GNB5: variants seen among roughly 807,000 people sequenced by gnomAD.
GNB5 encodes guanine nucleotide-binding protein subunit beta-5.
GNB5 carries 37 observed loss-of-function variants against 55.3 expected under a neutral mutation model. The ratio of observed to expected loss-of-function variants is 0.67; its 90% confidence interval spans 0.51 to 0.88. The LOEUF (loss-of-function observed/expected upper bound fraction) is 0.88, where lower values mean the gene tolerates loss of function less well. GNB5 is among the 40% of genes least tolerant of loss of function. GNB5 has a pLI of 0.00. For missense variants in GNB5, 476 were observed against 515.3 expected, an observed-to-expected ratio of 0.92 and a Z score of 0.74; for synonymous variants, 219 against 198.5, an observed-to-expected ratio of 1.10 and a Z score of -0.87.
At chr15:52,149,805 C>T (rs1294441760) in intron 5 of GNB5, 79 bp downstream of exon 5, 1 of 1,030,470 alleles carries the variant, frequency 9.7e-7, no homozygotes, top group Non-Finnish European at 1.5e-6. Context: ...CAGGACAGGG[C>T]CGGGCAGCTG....
intron 6 of GNB5, among the ~76,000 whole-genome samples, chr15:52,141,933 GTTATGTCTTT>G (rs923991626): frequency 9.2e-5 from 14 of 152,178 alleles, no homozygotes; most frequent in Admixed American, 3.3e-4. Flanking sequence ...GCATTCATTT[GTTATGTCTTT>G]TTAAGATCTT....
intron 3 of GNB5, among the ~76,000 whole-genome samples, chr15:52,161,439 A>T (rs890639730): frequency 6.6e-6 from 1 of 152,198 alleles, no homozygotes; most frequent in African/African-American, 2.4e-5. Context: ...CTGGGATTAC[A>T]GGCACGCGCT....
At chr15:52,152,179 TAC>T (rs752527221) in intron 4 of GNB5, among the ~76,000 whole-genome samples, 14 of 151,340 alleles carry the variant, frequency 9.3e-5, no homozygotes, top group Non-Finnish European at 1.8e-4. Flanking sequence ...ACACAGACGT[TAC>T]AGTTTGTGGA....
At chr15:52,159,784 T>G (rs1252979575) in intron 3 of GNB5, among the ~76,000 whole-genome samples, 2 of 152,016 alleles carry the variant, frequency 1.3e-5, no homozygotes, top group Non-Finnish European at 2.9e-5. Context: ...ACAACTACAG[T>G]GCAGTGCGAT....
intron 12 of GNB5, among the ~76,000 whole-genome samples, chr15:52,123,983 CA>C (rs2033345538): frequency 9.4e-6 from 1 of 106,634 alleles, no homozygotes; most frequent in Non-Finnish European, 1.8e-5. Context: ...GCTTCATTTC[CA>C]AGATTAAGCT....
intron 4 of GNB5, among the ~76,000 whole-genome samples, chr15:52,153,144 C>T (rs778006939): frequency 6.6e-6 from 1 of 152,222 alleles, no homozygotes; most frequent in Non-Finnish European, 1.5e-5. Flanking sequence ...GGACTGTCAC[C>T]TCTGAGGCCA....
At chr15:52,148,136 C>T (rs771868921) in intron 5 of GNB5, among the ~76,000 whole-genome samples, 2 of 152,014 alleles carry the variant, frequency 1.3e-5, no homozygotes, top group African/African-American at 2.4e-5. Context: ...TATCAGGGCC[C>T]CTTTTCTTTG....
intron 12 of GNB5, among the ~76,000 whole-genome samples, chr15:52,124,013 A>G (rs2033349199): frequency 6.6e-6 from 1 of 151,338 alleles, no homozygotes; most frequent in Non-Finnish European, 1.5e-5. Flanking sequence ...ACCAAAAAAA[A>G]AAAAAAAAAA....
intron 3 of GNB5, among the ~76,000 whole-genome samples, chr15:52,175,666 G>A (rs900998925): frequency 1.3e-5 from 2 of 152,058 alleles, no homozygotes; most frequent in African/African-American, 4.8e-5. Flanking sequence ...TTGAACCTGG[G>A]TGGTGGAACT....
chr15:52,133,250 C>T (rs952832237), intron 9 of GNB5, 128 bp downstream of exon 9: 53 of 629,108 alleles, frequency 8.4e-5, no homozygotes, highest in Middle Eastern at 4.2e-4. Context: ...CACAATCAGC[C>T]TTTCTTCCCG....
At chr15:52,179,476 C>G (rs1007190570) in intron 3 of GNB5, among the ~76,000 whole-genome samples, 22 of 151,880 alleles carry the variant, frequency 1.4e-4, no homozygotes, top group African/African-American at 5.3e-4. Flanking sequence ...GATCCGTTCG[C>G]AGCTTCCAGG....
chr15:52,139,038 CTCTTT>C (rs1243105298), intron 7 of GNB5: 7 of 152,182 alleles, frequency 4.6e-5, no homozygotes, highest in Non-Finnish European at 1.0e-4. Flanking sequence ...GCTTGAGTTT[CTCTTT>C]TATCAACCTA....
chr15:52,161,400 C>T (rs1340729315), intron 3 of GNB5, among the ~76,000 whole-genome samples: 1 of 152,188 alleles, frequency 6.6e-6, no homozygotes, highest in Admixed American at 6.5e-5. Flanking sequence ...CAGGTTCAAG[C>T]AATTCTCATG....
At position 52,119,163 on chromosome 15, in the gene GNB5, G is replaced by A. The variant is rs1157927905; in HGVS notation, c.*3594C>T. On this transcript the variant is annotated 3_prime_UTR_variant, in exon 13 of 13. Transcript: ENST00000261837. ...AGGAGAGAGGTGGAACAGGGAGACA[G>A]AGGAAGAGGAGATGAGGAATGGGGG... The A allele has an allele frequency of 7.0e-6, 1 of 143,014 alleles. No individual in the cohort carries two copies. Among genetic ancestry groups the A allele is most frequent in the East Asian group, 2.1e-4 (1 of 4,782 alleles). The allele number at this position is 143,014 out of a possible 1,614,324, so 8.9% of individuals were successfully genotyped here. A position where few individuals can be genotyped will look rare whatever the true frequency, so the allele number is the denominator to read the frequency against.
intron 6 of GNB5, chr15:52,144,212 G>A (rs1053722594): frequency 1.3e-5 from 2 of 152,266 alleles, no homozygotes; most frequent in Non-Finnish European, 2.9e-5. Flanking sequence ...TCCATTTAGT[G>A]AGGGTAAAAT....
chr15:52,145,482 A>G (rs1216001789), intron 6 of GNB5, among the ~76,000 whole-genome samples: 1 of 151,776 alleles, frequency 6.6e-6, no homozygotes, highest in African/African-American at 2.4e-5. Flanking sequence ...TCTGCAAAAA[A>G]AAAAATACAA....
chr15:52,167,000 C>T (rs1456801238), intron 3 of GNB5, among the ~76,000 whole-genome samples: 1 of 152,036 alleles, frequency 6.6e-6, no homozygotes, highest in Non-Finnish European at 1.5e-5. Context: ...GGGATATCAC[C>T]ACTGACCCCA....
chr15:52,150,105 C>A (rs962123585), intron 4 of GNB5, among the ~76,000 whole-genome samples, 180 bp from the exon 5 acceptor site: 1 of 152,154 alleles, frequency 6.6e-6, no homozygotes, highest in Non-Finnish European at 1.5e-5. Context: ...GCAGGAGGGG[C>A]TGGATGTTCC....
intron 9 of GNB5, among the ~76,000 whole-genome samples, chr15:52,129,932 G>C (rs570074940): frequency 6.6e-6 from 1 of 152,140 alleles, no homozygotes; most frequent in Non-Finnish European, 1.5e-5. Context: ...GTTTTTCCTG[G>C]GCAGGTGGCA....
Sources: gnomAD v4.1 joint callset for allele counts (sites outside exome capture counted in the v4.1 genomes callset) on GRCh38, gnomAD v4.1.1 for gene constraint, MANE v1.5 for transcripts, NCBI Gene and HGNC (gene_info 2026-07-23, HGNC 2026-07-21) for gene names.